NCOA7: variants seen among roughly 807,000 people sequenced by gnomAD.
NCOA7 encodes 140 kDa estrogen receptor-associated protein.
Under a neutral mutation model 104.3 loss-of-function variants are expected in NCOA7, and 45 were observed. That is an observed-to-expected ratio of 0.43 (90% CI 0.34 to 0.55). The LOEUF is 0.55. NCOA7 is among the 20% of genes least tolerant of loss of function. The pLI is 0.02. For missense variants in NCOA7, 1,041 were observed against 1,119.7 expected (o/e 0.93, Z 1.00); for synonymous variants, 398 against 402.3 (o/e 0.99, Z 0.13).
intron 10 of NCOA7, among the ~76,000 whole-genome samples, chr6:125,907,118 C>T (rs1369138150): frequency 6.6e-6 from 1 of 152,136 alleles, no homozygotes; most frequent in Non-Finnish European, 1.5e-5. Flanking sequence ...CCTCCTCTTC[C>T]CTCAGAGGCA....
At chr6:125,855,484 G>A (rs1781475789) in intron 3 of NCOA7, 1 of 336,328 alleles carries the variant, frequency 3.0e-6, no homozygotes, top group Non-Finnish European at 5.4e-6. Context: ...ACTACTAAAC[G>A]TTTATCTAAT....
chr6:125,915,495 A>G lies in NCOA7; in HGVS notation c.2244+15A>G. On this transcript the variant is annotated intron_variant, in intron 11 of 15. Coordinates refer to ENST00000392477, the MANE Select transcript of NCOA7 (RefSeq NM_181782.5). ...AGAGCTGGGAGGTGAGCACTTGGGCAGGGTTAGACCGTCGTAGTTCCTAAG... is the reference window on the plus strand; with the variant it reads ...AGAGCTGGGAGGTGAGCACTTGGGCGGGGTTAGACCGTCGTAGTTCCTAAG... 5 of 1,613,500 alleles carry G rather than the reference A, an allele frequency of 3.1e-6. No homozygotes were observed. Among genetic ancestry groups the G allele is most frequent in the Non-Finnish European group, 4.2e-6 (5 of 1,179,514 alleles).
intron 3 of NCOA7, among the ~76,000 whole-genome samples, chr6:125,857,441 ATT>A (rs35775586): frequency 0.024 from 3,355 of 139,600 alleles, 110 homozygotes; most frequent in African/African-American, 0.083. Flanking sequence ...ATATATATAT[ATT>A]TTTTTTTTTA....
chr6:125,822,562 C>T (rs1219183662), intron 2 of NCOA7, among the ~76,000 whole-genome samples: 3 of 152,174 alleles, frequency 2.0e-5, no homozygotes, highest in Non-Finnish European at 4.4e-5. Flanking sequence ...GTCTGTATCT[C>T]TGAGTGTTAT....
intron 3 of NCOA7, 143 bp downstream of exon 3, chr6:125,855,383 C>A: frequency 1.6e-6 from 1 of 628,866 alleles, no homozygotes. Flanking sequence ...GCTTTACATA[C>A]ATAATCTTGT....
At chr6:125,833,110 A>C (rs1247936142) in intron 2 of NCOA7, among the ~76,000 whole-genome samples, 1 of 152,234 alleles carries the variant, frequency 6.6e-6, no homozygotes, top group Non-Finnish European at 1.5e-5. Flanking sequence ...CCGCAGAGTG[A>C]AACTATTGGC....
At chr6:125,888,099 G>GTATTAC (rs1784381322) in intron 8 of NCOA7, among the ~76,000 whole-genome samples, 1 of 151,694 alleles carries the variant, frequency 6.6e-6, no homozygotes, top group Non-Finnish European at 1.5e-5. Flanking sequence ...ATGTAATTCC[G>GTATTAC]ATCTGGGAAG....
chr6:125,865,882 C>G (rs946740654), intron 3 of NCOA7, among the ~76,000 whole-genome samples: 2 of 135,848 alleles, frequency 1.5e-5, no homozygotes, highest in Non-Finnish European at 3.1e-5. Context: ...GACACAGGGT[C>G]TGCCCATCTT....
chr6:125,888,378 T>C (rs1303546485), intron 8 of NCOA7, among the ~76,000 whole-genome samples: 1 of 152,170 alleles, frequency 6.6e-6, no homozygotes, highest in African/African-American at 2.4e-5. Flanking sequence ...GGGCTGTCTA[T>C]GATTAGAAGC....
In NCOA7 at chr6:125,791,474, T is replaced by C. The variant is rs138197092; in HGVS notation, c.-65+407T>C. Among the ~76,000 whole-genome samples the C allele has an allele frequency of 1.4e-3, 216 of 152,364 alleles. 2 individuals carry two copies. The highest frequency in any genetic ancestry group is 2.6e-3 in the Non-Finnish European group (179 of 68,020). On this transcript the variant is annotated intron_variant, in intron 1 of 15. Transcript: ENST00000392477. The stretch of plus-strand genomic sequence containing the variant: ...TCTTCCCATCTTTCTAGCCAAAACA[T>C]GTAGACAGGCAAAGGGTTATTAGTG...
At chr6:125,839,003 A>G (rs978901777) in intron 2 of NCOA7, among the ~76,000 whole-genome samples, 1 of 152,102 alleles carries the variant, frequency 6.6e-6, no homozygotes, top group African/African-American at 2.4e-5. Context: ...TCGCAGACGC[A>G]TAGTGTGTTC....
At chr6:125,787,777 G>T (rs1774539263), upstream of NCOA7, among the ~76,000 whole-genome samples, 1 of 152,098 alleles carries the variant, frequency 6.6e-6, no homozygotes, top group African/African-American at 2.4e-5. Context: ...AAGTGTTAGG[G>T]ATACCATTTT....
chr6:125,811,193 C>T (rs529055769), intron 1 of NCOA7, among the ~76,000 whole-genome samples: 52 of 152,290 alleles, frequency 3.4e-4, no homozygotes, highest in African/African-American at 1.2e-3. Context: ...CATGAGACTC[C>T]ATCCTCCATC....
At position 125,915,434 on chromosome 6, in the gene NCOA7, A is replaced by G; in HGVS notation, c.2198A>G (p.Asn733Ser). 1 of 1,613,912 alleles carries G rather than the reference A, an allele frequency of 6.2e-7. No individual in the cohort carries two copies. Among genetic ancestry groups the G allele is most frequent in the Non-Finnish European group, 8.5e-7 (1 of 1,179,836 alleles). ...GFVVVEKEELNMIDNFFSEPT... is the reference protein window; with the variant it reads ...GFVVVEKEELSMIDNFFSEPT... ...GTGGTGGTGGAGAAGGAAGAACTGA[A>G]CATGATTGACAACTTCTTCAGTGAG... Residue 733 changes from asparagine to serine, a missense_variant, in exon 11 of 16, where the codon AAC (asparagine) becomes AGC (serine). Around this residue, in one of 2 missense-constraint regions of NCOA7, gnomAD observed 914 missense variants for 942.7 expected, o/e 0.97. Coordinates refer to ENST00000392477, the MANE Select transcript of NCOA7 (RefSeq NM_181782.5).
intron 10 of NCOA7, among the ~76,000 whole-genome samples, chr6:125,900,269 G>T (rs1785386311): frequency 6.6e-6 from 1 of 152,150 alleles, no homozygotes; most frequent in Non-Finnish European, 1.5e-5. Flanking sequence ...GTTAAGTATT[G>T]TCCACTGTTT....
chr6:125,783,716 G>C (rs754177545), intron 1 of NCOA7, among the ~76,000 whole-genome samples: 1 of 152,086 alleles, frequency 6.6e-6, no homozygotes, highest in Non-Finnish European at 1.5e-5. Context: ...CATGGCCCAG[G>C]TACAGCCTGT....
At chr6:125,843,131 G>A (rs1780311094) in intron 2 of NCOA7, among the ~76,000 whole-genome samples, 1 of 152,150 alleles carries the variant, frequency 6.6e-6, no homozygotes. Context: ...GTGATTAAGG[G>A]CCTTGATATA....
chr6:125,886,416 G>A (rs965716689), intron 8 of NCOA7, among the ~76,000 whole-genome samples: 11 of 152,268 alleles, frequency 7.2e-5, no homozygotes, highest in African/African-American at 2.6e-4. Context: ...TAATACCATT[G>A]CACATCTTCA....
Position 125,890,721 on chromosome 6 carries a change from A to G in NCOA7, c.2007A>G (p.Lys669=). 3 of 1,613,896 alleles carry G rather than the reference A, an allele frequency of 1.9e-6. No homozygotes were observed. Among genetic ancestry groups the G allele is most frequent in the Non-Finnish European group, 2.5e-6 (3 of 1,179,914 alleles). Residue 669 remains lysine, a synonymous_variant, in exon 10 of 16, where the codon AAA becomes AAG. Transcript: ENST00000392477. ...TCAAAGTGGGAAAACCAATGAGAAA[A>G]TCCTTTGCCACTCACACTGCAGCCA... ...LCIKVGKPMR[K]SFATHTAAMV... is the part of the protein sequence containing the mutation.
Sources: gnomAD v4.1 joint callset for allele counts (sites outside exome capture counted in the v4.1 genomes callset) on GRCh38, gnomAD v4.1.1 for gene constraint, gnomAD v4.1.1 regional missense constraint, MANE v1.5 for transcripts, NCBI Gene and HGNC (gene_info 2026-07-23, HGNC 2026-07-21) for gene names.